Variants in HK1 observed in about 807,000 individuals in gnomAD.
HK1 encodes hexokinase-1.
HK1 carries 28 observed loss-of-function variants against 91.6 expected under a neutral mutation model. That is an observed-to-expected ratio of 0.31 (90% CI 0.23 to 0.42). HK1 has a LOEUF of 0.42. Among genes scored for constraint, HK1 ranks in the 10% least tolerant of loss-of-function variants. HK1 has a pLI of 1.00. For synonymous variants in HK1, 430 were observed against 468.1 expected, an observed-to-expected ratio of 0.92 and a Z score of 1.05; for missense variants, 770 against 1,219.8, an observed-to-expected ratio of 0.63 and a Z score of 5.49.
In HK1 at chr10:69,368,494, G is replaced by T. The variant is rs1243746266; in HGVS notation, c.496-42G>T. ...TGCCCAGGGCCTTGGGGTGCTGGAGGCCTCCCAGCCCTCATCCAGCCCCAT... is the reference window on the plus strand; with the variant it reads ...TGCCCAGGGCCTTGGGGTGCTGGAGTCCTCCCAGCCCTCATCCAGCCCCAT... On this transcript the variant is annotated intron_variant, in intron 4 of 17. Transcript: ENST00000359426. 5 of 1,554,186 alleles carry T rather than the reference G, an allele frequency of 3.2e-6. No individual in the cohort carries two copies. The East Asian group carries it at 9.0e-5, about 28-fold the overall frequency.
At chr10:69,313,706 A>C (rs113629222), upstream of HK1, among the ~76,000 whole-genome samples, 2,032 of 152,216 alleles carry the variant, frequency 0.013, 40 homozygotes, top group African/African-American at 0.046. Flanking sequence ...CATGTTGGTC[A>C]GTCTGGTCTC....
intron 1 of HK1, among the ~76,000 whole-genome samples, chr10:69,324,921 TAC>T (rs1847242225): frequency 6.6e-6 from 1 of 152,222 alleles, no homozygotes. Flanking sequence ...GTAAAAATTT[TAC>T]AGTTTGATTG....
intron 7 of HK1, among the ~76,000 whole-genome samples, chr10:69,374,403 C>T (rs1033750540): frequency 3.9e-5 from 6 of 152,190 alleles, no homozygotes; most frequent in Non-Finnish European, 2.9e-5. Context: ...TGTCTGTGGT[C>T]GTAGGTGTCT....
chr10:69,342,186 CAA>C (rs1848325840), intron 1 of HK1, among the ~76,000 whole-genome samples: 3 of 150,802 alleles, frequency 2.0e-5, no homozygotes, highest in African/African-American at 7.4e-5. Context: ...AACAAACAAA[CAA>C]ACAAACAAAG....
chr10:69,314,567 C>T (rs1463481059), upstream of HK1, among the ~76,000 whole-genome samples: 1 of 152,210 alleles, frequency 6.6e-6, no homozygotes, highest in Non-Finnish European at 1.5e-5. Flanking sequence ...CCTTAACAAA[C>T]TCTATAGGGC....
At chr10:69,340,742 C>T (rs138677480) in intron 1 of HK1, among the ~76,000 whole-genome samples, 185 of 152,242 alleles carry the variant, frequency 1.2e-3, no homozygotes, top group African/African-American at 4.0e-3. Context: ...CCATTCTCCA[C>T]GCAGCAGACA....
intron 8 of HK1, among the ~76,000 whole-genome samples, chr10:69,379,145 T>A (rs1212418455): frequency 6.6e-6 from 1 of 152,142 alleles, no homozygotes; most frequent in East Asian, 1.9e-4. Flanking sequence ...GTTGGTTTTG[T>A]TTTTAAATAT....
At chr10:69,270,143 T>C (rs1844081261) in intron 1 of HK1, 1 of 152,164 alleles carries the variant, frequency 6.6e-6, no homozygotes. Flanking sequence ...AAAGACTATT[T>C]TTCTCTCTCT....
At position 69,371,877 on chromosome 10, in the gene HK1, G is replaced by A. The variant is rs1239696843; in HGVS notation, c.875+2253G>A. Among the ~76,000 whole-genome samples, 3 of 152,288 alleles carry A rather than the reference G, an allele frequency of 2.0e-5. No homozygotes were observed. In the East Asian group the frequency reaches 5.8e-4, roughly 29 times the overall value. ...AGAGATGAGTGGGTGGCTAAATGGGGGTACAGATGAGAAAGTGAAAGGTTG... is the reference window on the plus strand; with the variant it reads ...AGAGATGAGTGGGTGGCTAAATGGGAGTACAGATGAGAAAGTGAAAGGTTG... On this transcript the variant is annotated intron_variant, in intron 7 of 17. Coordinates refer to ENST00000359426, the MANE Select transcript of HK1 (RefSeq NM_000188.3).
upstream of HK1, chr10:69,317,941 T>C (rs1846733963): frequency 1.7e-6 from 1 of 598,426 alleles, no homozygotes; most frequent in Admixed American, 6.3e-5. Flanking sequence ...CCTACGTAAC[T>C]TCCTCTGGGA....
chr10:69,342,920 T>C (rs1296378397), intron 1 of HK1, among the ~76,000 whole-genome samples: 1 of 152,160 alleles, frequency 6.6e-6, no homozygotes, highest in Non-Finnish European at 1.5e-5. Context: ...CAATTAGTGA[T>C]AGCCAGTGAC....
At chr10:69,338,264 G>T in intron 1 of HK1, 1 of 1,160,928 alleles carries the variant, frequency 8.6e-7, no homozygotes, top group South Asian at 1.7e-5. Flanking sequence ...CTTCACTCTG[G>T]GCAGCGGTGG....
chr10:69,285,453 C>A (rs1844985181), intron 2 of HK1, among the ~76,000 whole-genome samples: 1 of 151,958 alleles, frequency 6.6e-6, no homozygotes, highest in African/African-American at 2.4e-5. Context: ...AACAAACAAA[C>A]AAAAAACAGA....
At chr10:69,338,720 T>TGAGA in intron 1 of HK1, 1 of 1,269,232 alleles carries the variant, frequency 7.9e-7, no homozygotes, top group Non-Finnish European at 1.0e-6. Flanking sequence ...TAAGTACTTG[T>TGAGA]GTGTGTATGT....
intron 5 of HK1, among the ~76,000 whole-genome samples, chr10:69,308,582 A>C (rs112486750): frequency 0.085 from 12,935 of 151,896 alleles, 1,423 homozygotes; most frequent in African/African-American, 0.25. Flanking sequence ...GATAACATAA[A>C]CGGTTAGGTC....
intron 1 of HK1, among the ~76,000 whole-genome samples, chr10:69,335,864 T>A (rs1216142778): frequency 6.6e-6 from 1 of 151,898 alleles, no homozygotes; most frequent in East Asian, 1.9e-4. Flanking sequence ...CCGGGAGGGG[T>A]CCTGAGGAAG....
intron 1 of HK1, among the ~76,000 whole-genome samples, chr10:69,333,403 G>A (rs890537358): frequency 1.3e-5 from 2 of 152,220 alleles, no homozygotes; most frequent in Non-Finnish European, 2.9e-5. Flanking sequence ...CCAGGAGGCT[G>A]AGAAGTAAGC....
At chr10:69,373,810 G>C (rs1383982856) in intron 7 of HK1, among the ~76,000 whole-genome samples, 1 of 151,772 alleles carries the variant, frequency 6.6e-6, no homozygotes, top group African/African-American at 2.4e-5. Context: ...AGCTGGTCTC[G>C]AACTCCTGGG....
At chr10:69,344,046 C>T (rs1403936149) in intron 2 of HK1, 57 bp downstream of exon 2, 14 of 1,552,286 alleles carry the variant, frequency 9.0e-6, no homozygotes, top group South Asian at 1.1e-5. Flanking sequence ...TGAAATCTTC[C>T]TTCTAACTTC....
Sources: gnomAD v4.1 joint callset for allele counts (sites outside exome capture counted in the v4.1 genomes callset) on GRCh38, gnomAD v4.1.1 for gene constraint, MANE v1.5 for transcripts, NCBI Gene and HGNC (gene_info 2026-07-23, HGNC 2026-07-21) for gene names.